HEPH: variants seen among roughly 807,000 people sequenced by gnomAD.
The protein encoded by HEPH is hephaestin.
In HEPH, 69 loss-of-function variants were observed where a neutral mutation model predicts 80.8. The ratio of observed to expected loss-of-function variants is 0.85; its 90% CI spans 0.70 to 1.04. HEPH has a LOEUF of 1.04. Ranked by LOEUF, HEPH falls within the 50% of genes least tolerant of loss-of-function variation. The probability of loss-of-function intolerance (pLI) is 0.00; values close to 1 mark genes in which losing one functional copy is unlikely to be tolerated. For missense variants in HEPH, 1,115 were observed against 891.3 expected (o/e 1.25, Z -3.20); for synonymous variants, 431 against 322.8 (o/e 1.34, Z -3.60).
At chrX:66,248,009 A>T (rs1004517585) in intron 15 of HEPH, among the ~76,000 whole-genome samples, 1 of 111,585 alleles carries the variant, frequency 9.0e-6, no homozygotes, top group Non-Finnish European at 1.9e-5. Context: ...GTTACAAATA[A>T]TAAGGCATCT....
At chrX:66,253,930 G>A (rs1322133954) in intron 15 of HEPH, among the ~76,000 whole-genome samples, 1 of 111,409 alleles carries the variant, frequency 9.0e-6, no homozygotes, top group Non-Finnish European at 1.9e-5. Flanking sequence ...TACCTTGGGT[G>A]GGGTGGGGCA....
intron 15 of HEPH, 91 bp downstream of exon 15, chrX:66,208,337 A>T: frequency 1.1e-6 from 1 of 887,211 alleles, no homozygotes; most frequent in Non-Finnish European, 1.6e-6. Flanking sequence ...AATGTACTTC[A>T]GACTGGAGTG....
chrX:66,189,570 G>A (rs1163588182), intron 5 of HEPH, 114 bp from the exon 6 acceptor site: 6 of 792,851 alleles, frequency 7.6e-6, no homozygotes, highest in Non-Finnish European at 1.1e-5. Context: ...GGTCAACACA[G>A]TGTGCTGTTT....
At chrX:66,177,825 C>A (rs2086879505) in intron 4 of HEPH, among the ~76,000 whole-genome samples, 1 of 111,298 alleles carries the variant, frequency 9.0e-6, no homozygotes, top group Non-Finnish European at 1.9e-5. Context: ...TCAGTTTGCA[C>A]TCTTTCAATC....
intron 4 of HEPH, among the ~76,000 whole-genome samples, chrX:66,181,795 A>G (rs1239420023): frequency 1.3e-5 from 1 of 75,237 alleles, no homozygotes; most frequent in Non-Finnish European, 2.5e-5. Flanking sequence ...CCTGAATGGT[A>G]ATGCCTAGGT....
intron 4 of HEPH, among the ~76,000 whole-genome samples, chrX:66,178,909 G>A (rs1428943239): frequency 4.5e-5 from 5 of 111,754 alleles, no homozygotes; most frequent in African/African-American, 1.6e-4. Flanking sequence ...TGTTCACTCT[G>A]GTGGTAGTTT....
intron 6 of HEPH, among the ~76,000 whole-genome samples, chrX:66,191,676 ATAAT>A (rs1445368166): frequency 1.8e-5 from 2 of 112,047 alleles, no homozygotes; most frequent in Non-Finnish European, 3.8e-5. Context: ...CAGTTTACAA[ATAAT>A]TAACCCCTAT....
In HEPH at chrX:66,207,301, A is replaced by G; in HGVS notation, c.2398A>G (p.Arg800Gly). The change falls in exon 14 of 21, where the codon AGG (arginine) becomes GGG (glycine). Residue 800 changes from arginine to glycine, a missense_variant. Arg to Gly is a moderately radical substitution (Grantham distance 125, BLOSUM62 -2). This residue lies in a region of HEPH where 716 missense variants were observed against 523.5 expected (regional missense o/e 1.37). Transcript: ENST00000343002. ...TGGTACATTCAGGATCCCTCGGCCA[A>G]GGACTGGACCAGAAGAACACTTGGG... is the stretch of plus-strand genomic sequence containing the variant. ...TDGTFRIPRPRTGPEEHLGIL... is the reference protein window; with the variant it reads ...TDGTFRIPRPGTGPEEHLGIL... The G allele has an allele frequency of 8.3e-7, 1 of 1,200,215 alleles. No individual in the cohort carries two copies. Among genetic ancestry groups the G allele is most frequent in the East Asian group, 3.0e-5 (1 of 33,621 alleles).
rs144798027 is a variant in HEPH at position 66,170,711 on chromosome X, C to A, written c.141C>A (p.Ile47=). ...ATGCTCCCAAGGGAAGAAATGTCAT[C>A]ACGAACCAGCCTCTGGACAGTGACA... The part of the protein sequence containing the change: ...WNYAPKGRNV[I]TNQPLDSDIV... Residue 47 remains isoleucine (I), a synonymous_variant, in exon 2 of 21, where the codon ATC becomes ATA. Transcript: ENST00000343002. The A allele has an allele frequency of 2.5e-6, 3 of 1,209,727 alleles. No homozygotes were observed. In the Admixed American group the frequency reaches 6.5e-5, roughly 26 times the overall value.
At chrX:66,230,098 C>T (rs1449489343) in intron 15 of HEPH, among the ~76,000 whole-genome samples, 1 of 99,569 alleles carries the variant, frequency 1.0e-5, no homozygotes, top group African/African-American at 3.8e-5. Context: ...CTACAAAGGA[C>T]ATGAACTCAT....
chrX:66,168,465 T>A (rs1386167275), intron 1 of HEPH, among the ~76,000 whole-genome samples: 1 of 111,512 alleles, frequency 9.0e-6, no homozygotes, highest in Non-Finnish European at 1.9e-5. Flanking sequence ...GGTTAAGTAA[T>A]CCCCAAGGCT....
chrX:66,234,759 T>C (rs752423729), intron 15 of HEPH, among the ~76,000 whole-genome samples: 1 of 110,799 alleles, frequency 9.0e-6, no homozygotes, highest in Admixed American at 9.7e-5. Context: ...GCCTCAGCCT[T>C]GCGGGTAGCT....
chrX:66,265,636 T>C (rs953737113), intron 20 of HEPH, among the ~76,000 whole-genome samples: 5 of 111,105 alleles, frequency 4.5e-5, no homozygotes, highest in Non-Finnish European at 7.6e-5. Context: ...CAAAGAAAAC[T>C]TTGCAGAGAC....
intron 15 of HEPH, among the ~76,000 whole-genome samples, chrX:66,231,563 A>T (rs1397691525): frequency 7.3e-5 from 8 of 109,791 alleles, no homozygotes; most frequent in African/African-American, 2.7e-4. Context: ...TTCACTCATG[A>T]TTTGGCTCTC....
At chrX:66,207,105 G>T in intron 13 of HEPH, 90 bp from the exon 14 acceptor site, 1 of 774,247 alleles carries the variant, frequency 1.3e-6, no homozygotes, top group South Asian at 3.2e-5. Context: ...GTGACATGAA[G>T]CTGGTTCTGA....
chrX:66,169,695 G>A (rs1028276315), intron 1 of HEPH, among the ~76,000 whole-genome samples: 21 of 112,085 alleles, frequency 1.9e-4, no homozygotes, highest in Admixed American at 8.5e-4. Context: ...TGCACAAATC[G>A]TGTTTATAGC....
intron 4 of HEPH, among the ~76,000 whole-genome samples, chrX:66,187,862 C>A (rs2087553940): frequency 8.9e-6 from 1 of 112,198 alleles, no homozygotes; most frequent in Non-Finnish European, 1.9e-5. Context: ...TTATTAAAAA[C>A]AACAAAACAC....
chrX:66,222,879 C>T (rs748290426), intron 15 of HEPH, among the ~76,000 whole-genome samples: 2 of 111,803 alleles, frequency 1.8e-5, no homozygotes, highest in Admixed American at 9.5e-5. Flanking sequence ...AATAACCAGA[C>T]GGTCAGCAAT....
In HEPH at chrX:66,260,880, C is replaced by T. The variant is rs781232316; in HGVS notation, c.3199+618C>T. Among the ~76,000 whole-genome samples the T allele has an allele frequency of 4.5e-3, 502 of 111,048 alleles. 2 individuals are homozygous for T. Among genetic ancestry groups the T allele is most frequent in the Non-Finnish European group, 7.8e-3 (414 of 52,932 alleles). On this transcript the variant is annotated intron_variant, in intron 19 of 20. Coordinates refer to ENST00000343002, the MANE Select transcript of HEPH (RefSeq NM_001367233.3). ...CTCTTAGACTCAAGCAGTCCTCCCA[C>T]ATCAGCCTCCCAAGTAGCTGGGACT... is the stretch of plus-strand genomic sequence containing the variant.
Sources: allele counts gnomAD v4.1 joint callset (sites outside exome capture counted in the v4.1 genomes callset), GRCh38; gene constraint gnomAD v4.1.1; regional missense constraint gnomAD v4.1.1; transcripts MANE v1.5; gene names NCBI Gene and HGNC (gene_info 2026-07-23, HGNC 2026-07-21).